Variants in RECQL4 observed in about 807,000 individuals in gnomAD.
RECQL4 encodes the protein RecQ like helicase 4, also known as ATP-dependent DNA helicase Q4.
RECQL4 carries 158 observed loss-of-function variants against 128.6 expected under a neutral mutation model. The observed-to-expected ratio is 1.23, with a 90% CI of 1.08 to 1.40. RECQL4 has a LOEUF of 1.40. Ranked by LOEUF, RECQL4 falls within the 40% of genes most tolerant of loss-of-function variation. The pLI, the probability that RECQL4 is intolerant of heterozygous loss-of-function variation, is 0.00. For synonymous variants in RECQL4, 996 were observed against 678.9 expected (o/e 1.47, Z -7.26); for missense variants, 2,293 against 1,649.8 (o/e 1.39, Z -6.75).
rs778583430 is a variant in RECQL4, at chr8:144,511,441, A to G, written c.3617T>C (p.Val1206Ala). 4 of 1,612,380 alleles carry G rather than the reference A, an allele frequency of 2.5e-6. No individual in the cohort carries two copies. The highest frequency in any genetic ancestry group is 2.5e-6 in the Non-Finnish European group (3 of 1,179,648). Residue 1206 changes from valine to alanine, a missense_variant, in exon 21 of 21, where the codon GTG becomes GCG. Val to Ala is a moderately conservative substitution (Grantham distance 64). Coordinates refer to ENST00000617875, the MANE Select transcript of RECQL4 (RefSeq NM_004260.4). ...VGLATEELLQ[V>A]AR ...CCCAATGCAGTGCAGTCAGCGGGCC[A>G]CCTGCAGGAGCTCTTCCGTGGCCAG...
rs1827189895 is a variant in RECQL4, at chr8:144,511,525, C to T, written c.3533G>A (p.Gly1178Glu). ...TTTTCTCCAGAAGCGTCGGTCCTGC[C>T]CGTACACCTGGGCCGGGTAGCAGGG... is the stretch of plus-strand genomic sequence containing the variant. ...GSPCYPAQVYGQDRRFWRKYL... is the reference protein window; with the variant it reads ...GSPCYPAQVYEQDRRFWRKYL... The change falls in exon 21 of 21, where the codon GGG becomes GAG. Residue 1178 changes from glycine to glutamate, a missense_variant. Transcript: ENST00000617875. The T allele has an allele frequency of 2.5e-6, 4 of 1,612,458 alleles. No individual in the cohort carries two copies. The highest frequency in any genetic ancestry group is 1.1e-5 in the South Asian group (1 of 91,096).
rs754019797 is a variant in RECQL4 at position 144,511,539 on chromosome 8, C to G, written c.3519G>C (p.Pro1173=). The G allele has an allele frequency of 1.2e-6, 2 of 1,612,398 alleles. No homozygotes were observed. The highest frequency in any genetic ancestry group is 3.3e-5 in the Admixed American group (2 of 60,012). The change falls in exon 21 of 21, where the codon CCG becomes CCC. Residue 1173 remains proline, a synonymous_variant. Transcript: ENST00000617875. Reference sequence around the variant, plus strand: ...GTCGGTCCTGCCCGTACACCTGGGCCGGGTAGCAGGGGCTTCCTACGGTGG... The same window carrying G: ...GTCGGTCCTGCCCGTACACCTGGGCGGGGTAGCAGGGGCTTCCTACGGTGG... ...IFHGIGSPCY[P]AQVYGQDRRF... is the part of the protein sequence containing the mutation.
At position 144,514,353 on chromosome 8, in the gene RECQL4, C is replaced by A; in HGVS notation, c.1714G>T (p.Ala572Ser). ...RESVLQKIRA[A>S]QVHVLMLTPE... ...GTCAGCATCAGCACGTGTACCTGGG[C>A]TGCCCGAATCTGAAGGCAGCAAGAT... The change falls in exon 11 of 21, where the codon GCC (alanine) becomes TCC (serine). Residue 572 changes from alanine to serine, a missense_variant. Physicochemically the swap from Ala to Ser is moderately conservative, Grantham distance 99. Transcript: ENST00000617875. 6.2e-7 allele frequency: 1 copy of A among 1,600,896 alleles called. No homozygotes were observed. Among genetic ancestry groups the A allele is most frequent in the Non-Finnish European group, 8.5e-7 (1 of 1,171,778 alleles).
In RECQL4 at chr8:144,513,080, G is replaced by A. The variant is rs768110067; in HGVS notation, c.2522C>T (p.Ala841Val). Residue 841 changes from alanine (A) to valine (V), a missense_variant, in exon 15 of 21, where the codon GCT becomes GTT. Physicochemically the swap from Ala to Val is moderately conservative, Grantham distance 64 (BLOSUM62 0). Transcript: ENST00000617875. ...CACGCGCTGTACCAGCCTCTTCACA[G>A]CCAGGAAGTCCGTGCTGTCGGCGTG... is the stretch of plus-strand genomic sequence containing the variant. Reference protein sequence around the residue: ...HVHADSTDFLAVKRLVQRVFP... With the variant: ...HVHADSTDFLVVKRLVQRVFP... 66 of 1,577,554 alleles carry A rather than the reference G, an allele frequency of 4.2e-5. No individual in the cohort carries two copies. Among genetic ancestry groups the A allele is most frequent in the Non-Finnish European group, 5.4e-5 (63 of 1,159,886 alleles).
At position 144,515,805 on chromosome 8, in the gene RECQL4, T is replaced by C. The variant is rs1344133538; in HGVS notation, c.1217A>G (p.Asn406Ser). The change falls in exon 6 of 21, where the codon AAC becomes AGC. Residue 406 changes from asparagine to serine, a missense_variant. Physicochemically the swap from Asn to Ser is conservative, Grantham distance 46. Transcript: ENST00000617875. Reference protein sequence around the residue: ...TVTTKESCFLNEQFDHWAAQC... With the variant: ...TVTTKESCFLSEQFDHWAAQC... Reference sequence around the variant, plus strand: ...GGCTGCCCAGTGATCGAACTGCTCGTTCAGGAAACAAGACTCCTTGGTTGT... The same window carrying C: ...GGCTGCCCAGTGATCGAACTGCTCGCTCAGGAAACAAGACTCCTTGGTTGT... 2.5e-6 allele frequency: 4 copies of C among 1,612,782 alleles called. No individual in the cohort carries two copies. The highest frequency in any genetic ancestry group is 3.4e-6 in the Non-Finnish European group (4 of 1,179,764).
rs750118023 is a variant in RECQL4 at position 144,513,691 on chromosome 8, C to G, written c.2080G>C (p.Gly694Arg). 4.5e-6 allele frequency: 7 copies of G among 1,548,208 alleles called. No individual in the cohort carries two copies. The East Asian group carries it at 1.7e-4, about 38-fold the overall frequency. The change falls in exon 13 of 21, where the codon GGC becomes CGC. Residue 694 changes from glycine to arginine, a missense_variant. By Grantham distance (125) the Gly-to-Arg change is moderately radical. Transcript: ENST00000617875. ...GAATCGAGGTTTTGAAAACGTTTGC[C>G]TTGCAGCAGCGTCAACAGTGCCTGA... ...TDQALLTLLQ[G>R]KRFQNLDSII...
In RECQL4 at chr8:144,511,448, G is replaced by A; in HGVS notation, c.3610C>T (p.Leu1204=). The change falls in exon 21 of 21, where the codon CTG becomes TTG. Residue 1204 remains leucine, a synonymous_variant. Transcript: ENST00000617875. The part of the protein sequence containing the change: ...ALVGLATEEL[L]QVAR ...CAGTGCAGTCAGCGGGCCACCTGCAGGAGCTCTTCCGTGGCCAGGCCCACC... is the reference window on the plus strand; with the variant it reads ...CAGTGCAGTCAGCGGGCCACCTGCAAGAGCTCTTCCGTGGCCAGGCCCACC... 1.9e-6 allele frequency: 3 copies of A among 1,612,486 alleles called. No homozygotes were observed. Among genetic ancestry groups the A allele is most frequent in the East Asian group, 4.5e-5 (2 of 44,882 alleles).
At chr8:144,516,874 C>G (rs1303349693) in intron 4 of RECQL4, 110 bp from the exon 5 acceptor site, 2 of 1,380,888 alleles carry the variant, frequency 1.4e-6, no homozygotes, top group Non-Finnish European at 1.9e-6. Context: ...CTAATTAGCA[C>G]AAGGCTGGAC....
Position 144,513,101 on chromosome 8 carries a change from G to T in RECQL4, c.2501C>A (p.Ala834Asp). 6.4e-7 allele frequency: 1 copy of T among 1,573,056 alleles called. No homozygotes were observed. The highest frequency in any genetic ancestry group is 2.3e-5 in the East Asian group (1 of 43,946). ...CACAGCCAGGAAGTCCGTGCTGTCGGCGTGCACATGTCTGCGCAGCTCTCG... is the reference window on the plus strand; with the variant it reads ...CACAGCCAGGAAGTCCGTGCTGTCGTCGTGCACATGTCTGCGCAGCTCTCG... ...DLRELRRHVH[A>D]DSTDFLAVKR... Residue 834 changes from alanine (A) to aspartate (D), a missense_variant, in exon 15 of 21, where the codon GCC becomes GAC. Physicochemically the swap from Ala to Asp is moderately radical, Grantham distance 126. Transcript: ENST00000617875.
rs778030723 is a variant in RECQL4, at chr8:144,512,448, A to G, written c.2999T>C (p.Leu1000Pro). The change falls in exon 17 of 21, where the codon CTG becomes CCG. Residue 1000 changes from leucine to proline, a missense_variant. By Grantham distance (98) the Leu-to-Pro change is moderately conservative. Coordinates refer to ENST00000617875, the MANE Select transcript of RECQL4 (RefSeq NM_004260.4). ...GCAGAGAGCCCGCCGCACAGAGGCC[A>G]GCTCCCAGCCCATGGAGTCCACCAG... ...VKLVDSMGWE[L>P]ASVRRALCQL... The G allele has an allele frequency of 7.4e-6, 12 of 1,611,466 alleles. 1 individual carries two copies. In the South Asian group the frequency reaches 1.1e-4, roughly 15 times the overall value.
rs758743745 is a variant in RECQL4, at chr8:144,514,083, G to A, written c.1903C>T (p.His635Tyr). The change falls in exon 12 of 21, where the codon CAC becomes TAC. Residue 635 changes from histidine to tyrosine, a missense_variant. By Grantham distance (83) the His-to-Tyr change is moderately conservative. Coordinates refer to ENST00000617875, the MANE Select transcript of RECQL4 (RefSeq NM_004260.4). ...GTGGCTGTGAGGCCCAGGAAGCAGT[G>A]CACGCCCATGCGCTCCCGAAGCACC... ...CKVLRERMGV[H>Y]CFLGLTATAT... 8 of 1,597,126 alleles carry A rather than the reference G, an allele frequency of 5.0e-6. No homozygotes were observed. The highest frequency in any genetic ancestry group is 4.6e-5 in the East Asian group (2 of 43,924).
chr8:144,514,248 C>T lies in RECQL4; in HGVS notation c.1819G>A (p.Ala607Thr), dbSNP rs372075714. The change falls in exon 11 of 21, where the codon GCC (alanine) becomes ACC (threonine). Residue 607 changes from alanine to threonine, a missense_variant. By Grantham distance (58) the Ala-to-Thr change is moderately conservative (BLOSUM62 0). Coordinates refer to ENST00000617875, the MANE Select transcript of RECQL4 (RefSeq NM_004260.4). The stretch of plus-strand genomic sequence containing the variant: ...TGGGACCACTGGGAGAGGCAGTGGG[C>T]CTCATCAATGCAGGCAAAAGCAACT... ...PPVAFACIDE[A>T]HCLSQWSHNF... The T allele has an allele frequency of 3.7e-6, 6 of 1,612,120 alleles. No individual in the cohort carries two copies. The highest frequency in any genetic ancestry group is 5.1e-6 in the Non-Finnish European group (6 of 1,179,706).
rs587778651 is a variant in RECQL4, at chr8:144,516,407, C to T, written c.712G>A (p.Glu238Lys). ...CTGACTTCTTGGAAGGCTGAAGCCT[C>T]TGGGCCCTGGGAGCCAGCACCAGGA... is the stretch of plus-strand genomic sequence containing the variant. The part of the protein sequence containing the change: ...LGPGAGSQGP[E>K]ASAFQEVSIR... Residue 238 changes from glutamate (E) to lysine (K), a missense_variant, in exon 5 of 21, where the codon GAG (glutamate) becomes AAG (lysine). Coordinates refer to ENST00000617875, the MANE Select transcript of RECQL4 (RefSeq NM_004260.4). 11 of 1,609,384 alleles carry T rather than the reference C, an allele frequency of 6.8e-6. No individual in the cohort carries two copies. In the South Asian group the frequency reaches 1.1e-4, roughly 16 times the overall value.
chr8:144,513,346 C>A lies in RECQL4; in HGVS notation c.2335G>T (p.Asp779Tyr), dbSNP rs780228802. 6.2e-7 allele frequency: 1 copy of A among 1,605,140 alleles called. No individual in the cohort carries two copies. The highest frequency in any genetic ancestry group is 1.1e-5 in the South Asian group (1 of 91,052). Reference protein sequence around the residue: ...VATVAFGMGLDRPDVRAVLHL... With the variant: ...VATVAFGMGLYRPDVRAVLHL... ...AGCACAGCCCGCACATCTGGCCGGT[C>A]CAGCCCCATCCCAAAGGCCACCGTG... is the stretch of plus-strand genomic sequence containing the variant. The change falls in exon 14 of 21, where the codon GAC (aspartate) becomes TAC (tyrosine). Residue 779 changes from aspartate (D) to tyrosine (Y), a missense_variant. Physicochemically the swap from Asp to Tyr is radical, Grantham distance 160 (BLOSUM62 -3). Transcript: ENST00000617875.
At position 144,516,605 on chromosome 8, in the gene RECQL4, G is replaced by C. The variant is rs188859497; in HGVS notation, c.514C>G (p.Leu172Val). Residue 172 changes from leucine to valine, a missense_variant, in exon 5 of 21, where the codon CTC becomes GTC. By Grantham distance (32) the Leu-to-Val change is conservative. Transcript: ENST00000617875. Reference sequence around the variant, plus strand: ...CTCAGGGATGCCTGCAGATGCTGGAGCCGGCCTGGCCTTGGCTGGGGCTCA... The same window carrying C: ...CTCAGGGATGCCTGCAGATGCTGGACCCGGCCTGGCCTTGGCTGGGGCTCA... ...LPEPQPRPGRLQHLQASLSQR... is the reference protein window; with the variant it reads ...LPEPQPRPGRVQHLQASLSQR... 6.2e-7 allele frequency: 1 copy of C among 1,610,568 alleles called. No homozygotes were observed. Among genetic ancestry groups the C allele is most frequent in the African/African-American group, 1.3e-5 (1 of 74,886 alleles).
chr8:144,515,094 A>G lies in RECQL4; in HGVS notation c.1484-22T>C, dbSNP rs762764336. ...ATGCCTGGATGGGGCGGGAGTCAGC[A>G]GCAGGGTTCTGCAGCCTGGCCTCAG... On this transcript the variant is annotated intron_variant, in intron 8 of 20. Transcript: ENST00000617875. 15 of 1,594,646 alleles carry G rather than the reference A, an allele frequency of 9.4e-6. No homozygotes were observed. In the Middle Eastern group the frequency reaches 1.5e-3, roughly 159 times the overall value.
In RECQL4 at chr8:144,511,452, C is replaced by T. The variant is rs1259980040; in HGVS notation, c.3606G>A (p.Glu1202=). The T allele has an allele frequency of 6.2e-7, 1 of 1,612,534 alleles. No individual in the cohort carries two copies. Among genetic ancestry groups the T allele is most frequent in the Admixed American group, 1.7e-5 (1 of 60,030 alleles). ...GCAGTCAGCGGGCCACCTGCAGGAGCTCTTCCGTGGCCAGGCCCACCAGGG... is the reference window on the plus strand; with the variant it reads ...GCAGTCAGCGGGCCACCTGCAGGAGTTCTTCCGTGGCCAGGCCCACCAGGG... ...FHALVGLATE[E]LLQVAR The change falls in exon 21 of 21, where the codon GAG becomes GAA. Residue 1202 remains glutamate, a synonymous_variant. Transcript: ENST00000617875.
chr8:144,516,608 G>A lies in RECQL4; in HGVS notation c.511C>T (p.Arg171Trp), dbSNP rs775651175. The A allele has an allele frequency of 1.4e-5, 22 of 1,610,584 alleles. No homozygotes were observed. The highest frequency in any genetic ancestry group is 5.3e-5 in the African/African-American group (4 of 74,876). Reference sequence around the variant, plus strand: ...AGGGATGCCTGCAGATGCTGGAGCCGGCCTGGCCTTGGCTGGGGCTCAGGG... The same window carrying A: ...AGGGATGCCTGCAGATGCTGGAGCCAGCCTGGCCTTGGCTGGGGCTCAGGG... Reference protein sequence around the residue: ...QLPEPQPRPGRLQHLQASLSQ... With the variant: ...QLPEPQPRPGWLQHLQASLSQ... Residue 171 changes from arginine to tryptophan, a missense_variant, in exon 5 of 21, where the codon CGG (arginine) becomes TGG (tryptophan). By Grantham distance (101) the Arg-to-Trp change is moderately radical. Coordinates refer to ENST00000617875, the MANE Select transcript of RECQL4 (RefSeq NM_004260.4).
rs1457817755 is a variant in RECQL4, at chr8:144,512,147, T to C, written c.3233A>G (p.His1078Arg). The change falls in exon 18 of 21, where the codon CAC (histidine) becomes CGC (arginine). Residue 1078 changes from histidine (H) to arginine (R), a missense_variant. His to Arg is a conservative substitution (Grantham distance 29). Coordinates refer to ENST00000617875, the MANE Select transcript of RECQL4 (RefSeq NM_004260.4). The stretch of plus-strand genomic sequence containing the variant: ...GCCCCGCCCGCCTCCTCCCAACCTG[T>C]GAAAGGCCTGGAAGGTTCTGCGCAG... ...ARLRRTFQAF[H>R]SVAFPSCGPC... 2 of 1,606,900 alleles carry C rather than the reference T, an allele frequency of 1.2e-6. No homozygotes were observed. The highest frequency in any genetic ancestry group is 1.7e-6 in the Non-Finnish European group (2 of 1,176,660).
Sources: allele counts gnomAD v4.1 joint callset, GRCh38; gene constraint gnomAD v4.1.1; transcripts MANE v1.5; gene names NCBI Gene and HGNC (gene_info 2026-07-23, HGNC 2026-07-21).